The following ESR1 variants were observed in gnomAD, a reference collection of about 807,000 sequenced individuals.
The protein encoded by ESR1 is estrogen receptor 1, also known as estrogen receptor.
A neutral mutation model predicts 52.7 loss-of-function variants in ESR1; 12 were observed. The observed-to-expected ratio is 0.23, with a 90% CI of 0.15 to 0.37. The LOEUF is 0.37. Ranked by LOEUF, ESR1 falls within the 10% of genes least tolerant of loss-of-function variation. The pLI is 1.00. For missense variants in ESR1, 584 were observed against 779.7 expected (o/e 0.75, Z 2.99); for synonymous variants, 305 against 316.8 (o/e 0.96, Z 0.39).
intron 1 of ESR1, among the ~76,000 whole-genome samples, chr6:151,692,007 T>C (rs1778982695): frequency 6.6e-6 from 1 of 152,196 alleles, no homozygotes; most frequent in Non-Finnish European, 1.5e-5. Context: ...ATACGACATG[T>C]AGGAAAAAAG....
rs887507102 is a variant in ESR1 at position 151,905,739 on chromosome 6, T to C, written c.760+24968T>C. Among the ~76,000 whole-genome samples, 3 of 152,164 alleles carry C rather than the reference T, an allele frequency of 2.0e-5. No homozygotes were observed. The East Asian group carries it at 5.8e-4, about 29-fold the overall frequency. On this transcript the variant is annotated intron_variant, in intron 3 of 7. Coordinates refer to ENST00000206249, the MANE Select transcript of ESR1 (RefSeq NM_000125.4). ...GAATTTAAGGAAAAATATAGAAATATAAGAAAGATTTCATGAGAATCACAA... is the reference window on the plus strand; with the variant it reads ...GAATTTAAGGAAAAATATAGAAATACAAGAAAGATTTCATGAGAATCACAA...
intron 5 of ESR1, among the ~76,000 whole-genome samples, chr6:152,058,547 C>G (rs1333431257): frequency 6.6e-6 from 1 of 152,168 alleles, no homozygotes; most frequent in African/African-American, 2.4e-5. Flanking sequence ...ACATAAAAAA[C>G]CTCATTTCAC....
chr6:151,919,633 G>A (rs1254578815), intron 3 of ESR1, among the ~76,000 whole-genome samples: 1 of 152,168 alleles, frequency 6.6e-6, no homozygotes, highest in Non-Finnish European at 1.5e-5. Flanking sequence ...TAATCAGTTT[G>A]ACATTACACA....
chr6:151,674,256 C>T (rs1005726135), intron 1 of ESR1, among the ~76,000 whole-genome samples: 3 of 152,232 alleles, frequency 2.0e-5, no homozygotes, highest in Non-Finnish European at 4.4e-5. Flanking sequence ...TGTTCAACTC[C>T]CATTTATGAG....
In ESR1 at chr6:152,093,346, CTCTCTCTT is replaced by C. The variant is rs1242897599; in HGVS notation, c.1370-1031_1370-1024del. Among the ~76,000 whole-genome samples, 361 of 141,888 alleles carry C rather than the reference CTCTCTCTT, an allele frequency of 2.5e-3. 4 individuals are homozygous for C. Among genetic ancestry groups the C allele is most frequent in the South Asian group, 0.022 (89 of 4,102 alleles). The allele number at this position is 141,888 out of a possible 152,430, so 93.1% of individuals were successfully genotyped here. A position where few individuals can be genotyped will look rare whatever the true frequency, so the allele number is the denominator to read the frequency against. On this transcript the variant is annotated intron_variant, in intron 6 of 7. Coordinates refer to ENST00000206249, the MANE Select transcript of ESR1 (RefSeq NM_000125.4). ...ACTACCTGGATCTCTCTCTCTCTCT[CTCTCTCTT>C]TCTCTCTCTCTCTCTCACCCCCCCA...
chr6:152,079,998 C>T (rs2129006122), intron 6 of ESR1, among the ~76,000 whole-genome samples: 1 of 152,150 alleles, frequency 6.6e-6, no homozygotes, highest in East Asian at 1.9e-4. Flanking sequence ...CTATGTGAAA[C>T]AAACAAATAT....
At chr6:151,893,862 A>T (rs1795061975) in intron 3 of ESR1, among the ~76,000 whole-genome samples, 1 of 152,212 alleles carries the variant, frequency 6.6e-6, no homozygotes, top group Non-Finnish European at 1.5e-5. Context: ...GGAACCATAA[A>T]GGATCTTAAG....
At chr6:151,941,739 T>C (rs893566282) in intron 3 of ESR1, among the ~76,000 whole-genome samples, 2 of 152,218 alleles carry the variant, frequency 1.3e-5, no homozygotes, top group African/African-American at 4.8e-5. Flanking sequence ...TCGTCTCCTA[T>C]GATGGCAGCT....
In ESR1 at chr6:151,941,006, G is replaced by A. The variant is rs2034991107; in HGVS notation, c.761-3167G>A. 2.6e-5 allele frequency among the ~76,000 whole-genome samples: 4 copies of A among 152,204 alleles called. No homozygotes were observed. In the South Asian group the frequency reaches 8.3e-4, roughly 32 times the overall value. On this transcript the variant is annotated intron_variant, in intron 3 of 7. Transcript: ENST00000206249. ...ACTGCTGAAGCCTTTTAAAGTGGGT[G>A]GTAATACTACGTTTCGTTTTGTTTC...
chr6:151,823,130 T>G (rs1780850535), intron 1 of ESR1, among the ~76,000 whole-genome samples: 1 of 152,266 alleles, frequency 6.6e-6, no homozygotes, highest in Admixed American at 6.5e-5. Context: ...GTTGTTTATC[T>G]GAAATTCAAA....
chr6:151,803,721 G>A (rs1201326454), upstream of ESR1, among the ~76,000 whole-genome samples: 1 of 152,160 alleles, frequency 6.6e-6, no homozygotes, highest in Non-Finnish European at 1.5e-5. Flanking sequence ...GGGAGTGGCC[G>A]AAATGCAATG....
chr6:151,750,626 T>G (rs773130561), intron 2 of ESR1, among the ~76,000 whole-genome samples: 3 of 152,160 alleles, frequency 2.0e-5, no homozygotes, highest in Non-Finnish European at 4.4e-5. Flanking sequence ...TGAGAAACAA[T>G]CCTTTGATTT....
At chr6:151,935,815 C>T (rs1027287856) in intron 3 of ESR1, among the ~76,000 whole-genome samples, 19 of 152,210 alleles carry the variant, frequency 1.2e-4, no homozygotes, top group African/African-American at 4.6e-4. Context: ...TCTCCTTGGT[C>T]ATCAGCTTTT....
chr6:151,851,550 CAG>C (rs1243660046), intron 2 of ESR1, among the ~76,000 whole-genome samples: 1 of 133,754 alleles, frequency 7.5e-6, no homozygotes, highest in Admixed American at 8.1e-5. Flanking sequence ...TTTTTTGAGA[CAG>C]AGTCTCACTC....
At chr6:152,085,549 G>C (rs1391637134) in intron 6 of ESR1, among the ~76,000 whole-genome samples, 1 of 152,084 alleles carries the variant, frequency 6.6e-6, no homozygotes, top group Non-Finnish European at 1.5e-5. Context: ...GAACCACCTT[G>C]AGGCATCTTT....
At chr6:151,846,445 T>G (rs895372772) in intron 2 of ESR1, among the ~76,000 whole-genome samples, 10 of 152,240 alleles carry the variant, frequency 6.6e-5, no homozygotes, top group African/African-American at 1.9e-4. Context: ...GCTGAAATTG[T>G]CTGTGACTCT....
chr6:152,023,449 T>C (rs957823302), intron 5 of ESR1, among the ~76,000 whole-genome samples: 9 of 152,232 alleles, frequency 5.9e-5, no homozygotes, highest in African/African-American at 1.4e-4. Context: ...TTTCTTTGTT[T>C]ATTTTTGGCT....
chr6:151,736,663 G>A (rs570907315), intron 2 of ESR1, among the ~76,000 whole-genome samples: 69 of 152,168 alleles, frequency 4.5e-4, no homozygotes, highest in African/African-American at 1.6e-3. Context: ...ACAGGCGTGA[G>A]CCACCGCGCC....
chr6:151,980,431 G>C (rs190708630), intron 4 of ESR1, among the ~76,000 whole-genome samples: 1 of 152,132 alleles, frequency 6.6e-6, no homozygotes, highest in Admixed American at 6.5e-5. Flanking sequence ...TTTTAGGAGG[G>C]GGAGAAGCAA....
Sources: allele counts gnomAD v4.1 joint callset (sites outside exome capture counted in the v4.1 genomes callset), GRCh38; gene constraint gnomAD v4.1.1; transcripts MANE v1.5; gene names NCBI Gene and HGNC (gene_info 2026-07-23, HGNC 2026-07-21).